The following CTNNA3 variants were observed in gnomAD, a reference collection of about 807,000 sequenced individuals.
CTNNA3 encodes the protein catenin alpha-3.
CTNNA3 carries 76 observed loss-of-function variants against 95.7 expected under a neutral mutation model. The observed-to-expected ratio is 0.79, with a 90% CI of 0.66 to 0.96. CTNNA3 has a LOEUF of 0.96. Among genes scored for constraint, CTNNA3 ranks in the 40% least tolerant of loss-of-function variants. The pLI, the probability that CTNNA3 is intolerant of heterozygous loss-of-function variation, is 0.00. For missense variants in CTNNA3, 1,191 were observed against 1,089.8 expected, an observed-to-expected ratio of 1.09 and a Z score of -1.31; for synonymous variants, 431 against 374.4, an observed-to-expected ratio of 1.15 and a Z score of -1.74.
chr10:66,788,026 A>G (rs2132868836), intron 7 of CTNNA3, among the ~76,000 whole-genome samples: 1 of 152,318 alleles, frequency 6.6e-6, no homozygotes, highest in South Asian at 2.1e-4. Flanking sequence ...CAATAAATAT[A>G]TATGCTATTC....
At chr10:66,487,355 A>C (rs938516868) in intron 11 of CTNNA3, among the ~76,000 whole-genome samples, 3 of 151,324 alleles carry the variant, frequency 2.0e-5, no homozygotes, top group Non-Finnish European at 4.4e-5. Context: ...GTGCCCGCCA[A>C]CACGCCCGGC....
chr10:67,509,262 T>C (rs1839528886), intron 5 of CTNNA3, among the ~76,000 whole-genome samples: 1 of 152,004 alleles, frequency 6.6e-6, no homozygotes, highest in African/African-American at 2.4e-5. Context: ...TACATAGGTA[T>C]ACATGTGCCA....
chr10:66,779,287 TTTTCA>T (rs374143607), intron 7 of CTNNA3, among the ~76,000 whole-genome samples: 17 of 152,242 alleles, frequency 1.1e-4, no homozygotes, highest in African/African-American at 3.4e-4. Context: ...AATACCTCTC[TTTTCA>T]TTTCTTGTCT....
intron 13 of CTNNA3, among the ~76,000 whole-genome samples, chr10:66,221,966 A>C (rs1192174350): frequency 6.6e-6 from 1 of 152,174 alleles, no homozygotes; most frequent in Non-Finnish European, 1.5e-5. Context: ...CTTCTAGCTT[A>C]AGTACAATTA....
chr10:66,820,493 T>TC (rs930767994), intron 7 of CTNNA3, among the ~76,000 whole-genome samples: 2 of 151,960 alleles, frequency 1.3e-5, no homozygotes, highest in Admixed American at 1.3e-4. Flanking sequence ...GAATTACAGC[T>TC]CAAGTAAAAA....
At chr10:66,444,128 A>C (rs1026821169) in intron 11 of CTNNA3, among the ~76,000 whole-genome samples, 2 of 152,222 alleles carry the variant, frequency 1.3e-5, no homozygotes, top group African/African-American at 4.8e-5. Flanking sequence ...TAGAGAAAAA[A>C]GAATAAGAAG....
At chr10:67,254,569 C>T (rs1866256193) in intron 5 of CTNNA3, among the ~76,000 whole-genome samples, 1 of 152,210 alleles carries the variant, frequency 6.6e-6, no homozygotes, top group Non-Finnish European at 1.5e-5. Context: ...ATTAACAGGT[C>T]TCTCAAGCTC....
At chr10:67,569,780 C>G (rs1841924449) in intron 3 of CTNNA3, among the ~76,000 whole-genome samples, 1 of 152,108 alleles carries the variant, frequency 6.6e-6, no homozygotes, top group African/African-American at 2.4e-5. Flanking sequence ...CTGTCCTTGA[C>G]TGTTTCTTCT....
intron 9 of CTNNA3, among the ~76,000 whole-genome samples, chr10:66,663,838 C>CTT (rs1846347277): frequency 6.6e-6 from 1 of 152,084 alleles, no homozygotes; most frequent in Non-Finnish European, 1.5e-5. Flanking sequence ...CTTATAAAAT[C>CTT]TTATAAAATT....
intron 5 of CTNNA3, among the ~76,000 whole-genome samples, chr10:67,435,238 A>G (rs1188452552): frequency 6.6e-6 from 1 of 151,992 alleles, no homozygotes; most frequent in Non-Finnish European, 1.5e-5. Context: ...TCTGAAGTAA[A>G]CCCACATTCA....
intron 11 of CTNNA3, among the ~76,000 whole-genome samples, chr10:66,494,678 A>G (rs1254361155): frequency 6.6e-6 from 1 of 152,186 alleles, no homozygotes; most frequent in Non-Finnish European, 1.5e-5. Flanking sequence ...GAAGTTTAGG[A>G]CATAGGAAAT....
chr10:66,143,802 C>G (rs796840811), intron 13 of CTNNA3, among the ~76,000 whole-genome samples: 1 of 152,128 alleles, frequency 6.6e-6, no homozygotes, highest in Non-Finnish European at 1.5e-5. Context: ...CACACAGACA[C>G]TTTAATGTGA....
chr10:66,868,028 T>G (rs190044500), intron 7 of CTNNA3, among the ~76,000 whole-genome samples: 121 of 147,218 alleles, frequency 8.2e-4, no homozygotes, highest in African/African-American at 3.0e-3. Context: ...CTGAAGGTAT[T>G]TGAGTATTTA....
intron 2 of CTNNA3, among the ~76,000 whole-genome samples, chr10:67,620,258 G>C (rs775819733): frequency 6.6e-6 from 1 of 152,090 alleles, no homozygotes; most frequent in Non-Finnish European, 1.5e-5. Context: ...GAAATGCACA[G>C]AGGTGCCCAC....
intron 16 of CTNNA3, among the ~76,000 whole-genome samples, chr10:65,984,937 A>G (rs1215631911): frequency 6.6e-6 from 1 of 151,180 alleles, no homozygotes; most frequent in Non-Finnish European, 1.5e-5. Flanking sequence ...AAACTCAGAA[A>G]TTTTGACTTA....
intron 12 of CTNNA3, among the ~76,000 whole-genome samples, chr10:66,297,294 G>A (rs1368955726): frequency 2.0e-5 from 3 of 151,966 alleles, no homozygotes; most frequent in African/African-American, 4.8e-5. Context: ...ACCACCCCCT[G>A]GTTCCATCCT....
intron 13 of CTNNA3, among the ~76,000 whole-genome samples, chr10:66,228,440 G>A (rs941768333): frequency 1.3e-5 from 2 of 151,966 alleles, no homozygotes; most frequent in African/African-American, 4.8e-5. Context: ...TCAGGGGCAC[G>A]TTGTTTGATT....
intron 9 of CTNNA3, among the ~76,000 whole-genome samples, chr10:66,638,759 C>T (rs923066946): frequency 1.3e-5 from 2 of 149,908 alleles, no homozygotes; most frequent in African/African-American, 5.0e-5. Flanking sequence ...TTGTTGATTT[C>T]TGGGCTCTGA....
At chr10:66,594,197 C>A (rs1448194997) in intron 10 of CTNNA3, among the ~76,000 whole-genome samples, 1 of 152,132 alleles carries the variant, frequency 6.6e-6, no homozygotes, top group Admixed American at 6.5e-5. Flanking sequence ...AGAGTCTACA[C>A]CTCATCTTGC....
Sources: allele counts gnomAD v4.1 joint callset (sites outside exome capture counted in the v4.1 genomes callset), GRCh38; gene constraint gnomAD v4.1.1; transcripts MANE v1.5; gene names NCBI Gene and HGNC (gene_info 2026-07-23, HGNC 2026-07-21).